Variants in WDR37 observed in about 807,000 individuals in gnomAD.
WDR37 encodes WD repeat-containing protein 37.
WDR37 carries 19 observed loss-of-function variants against 62.9 expected under a neutral mutation model. That is an observed-to-expected ratio of 0.30 (90% confidence interval 0.21 to 0.44). The LOEUF (loss-of-function observed/expected upper bound fraction) is 0.44. Ranked by LOEUF, WDR37 falls within the 20% of genes least tolerant of loss-of-function variation. WDR37 has a pLI of 1.00. For synonymous variants in WDR37, 250 were observed against 260.9 expected, an observed-to-expected ratio of 0.96 and a Z score of 0.40; for missense variants, 474 against 657.6, an observed-to-expected ratio of 0.72 and a Z score of 3.05.
intron 11 of WDR37, among the ~76,000 whole-genome samples, chr10:1,109,805 T>G (rs1835153750): frequency 6.6e-6 from 1 of 152,254 alleles, no homozygotes. Flanking sequence ...GAGCTGTACT[T>G]ATGAAGAATG....
chr10:1,087,157 CT>C (rs1834228909), intron 7 of WDR37, among the ~76,000 whole-genome samples: 1 of 152,258 alleles, frequency 6.6e-6, no homozygotes, highest in Admixed American at 6.5e-5. Context: ...AGTGTCTTCT[CT>C]TTCTTGCCCT....
At chr10:1,059,150 C>T (rs182586184) in intron 1 of WDR37, among the ~76,000 whole-genome samples, 1 of 149,728 alleles carries the variant, frequency 6.7e-6, no homozygotes, top group Non-Finnish European at 1.5e-5. Flanking sequence ...CCGAGGTGGG[C>T]AGATCACCTG....
At position 1,107,924 on chromosome 10, in the gene WDR37, C is replaced by G. The variant is rs541542859; in HGVS notation, c.1103+2657C>G. 8.5e-5 allele frequency among the ~76,000 whole-genome samples: 13 copies of G among 152,332 alleles called. 2 individuals carry two copies. The South Asian group carries it at 2.7e-3, about 32-fold the overall frequency. On this transcript the variant is annotated intron_variant, in intron 11 of 13. Transcript: ENST00000263150. ...TGCTGTCTCTATTTACACATGTGTA[C>G]ACACCTGTCTGTAACAGACACGCCC...
intron 11 of WDR37, among the ~76,000 whole-genome samples, chr10:1,115,030 GTT>G (rs199799863): frequency 7.0e-6 from 1 of 142,532 alleles, no homozygotes; most frequent in Non-Finnish European, 1.5e-5. Flanking sequence ...TCCCTTTTTT[GTT>G]TTTTTTTTTT....
intron 1 of WDR37, among the ~76,000 whole-genome samples, chr10:1,058,492 G>A (rs1045798682): frequency 2.0e-5 from 3 of 152,094 alleles, no homozygotes; most frequent in African/African-American, 7.2e-5. Flanking sequence ...TATTTATCCT[G>A]TCTTATTCTT....
intron 7 of WDR37, among the ~76,000 whole-genome samples, chr10:1,092,980 TGAGGCTGGCA>T: frequency 6.6e-6 from 1 of 151,538 alleles, no homozygotes; most frequent in Non-Finnish European, 1.5e-5. Context: ...ATTCATTCTC[TGAGGCTGGCA>T]GAGGTTATAC....
intron 11 of WDR37, among the ~76,000 whole-genome samples, chr10:1,122,352 T>A (rs937435840): frequency 2.6e-5 from 4 of 152,312 alleles, no homozygotes; most frequent in Non-Finnish European, 5.9e-5. Context: ...TTTGAGCCCC[T>A]GTACAGAGTG....
At position 1,121,627 on chromosome 10, in the gene WDR37, C is replaced by G. The variant is rs1268652118; in HGVS notation, c.1104-2591C>G. Reference sequence around the variant, plus strand: ...GCCGTGGTTTCCAGTTGGGCAGTTTCCCCCCAGGAGACAGTGTTTGTTGTC... The same window carrying G: ...GCCGTGGTTTCCAGTTGGGCAGTTTGCCCCCAGGAGACAGTGTTTGTTGTC... On this transcript the variant is annotated intron_variant, in intron 11 of 13. Transcript: ENST00000263150. This position sits in a 1 kb window ranked among gnomAD's most constrained non-coding sequence, Gnocchi z 4.5. Among the ~76,000 whole-genome samples, 1 of 152,150 alleles carries G rather than the reference C, an allele frequency of 6.6e-6. No homozygotes were observed.
At chr10:1,058,256 C>G (rs1227609666) in intron 1 of WDR37, among the ~76,000 whole-genome samples, 3 of 152,212 alleles carry the variant, frequency 2.0e-5, no homozygotes, top group Non-Finnish European at 2.9e-5. Context: ...ACTCCCTGTC[C>G]TCTAACATGG....
At chr10:1,063,700 C>T (rs139305661) in intron 1 of WDR37, among the ~76,000 whole-genome samples, 5 of 152,126 alleles carry the variant, frequency 3.3e-5, no homozygotes, top group African/African-American at 4.8e-5. Context: ...AGGCCACCCC[C>T]CTGTGGTGTG....
rs765448977 is a variant in WDR37 at position 1,084,499 on chromosome 10, G to A, written c.493G>A (p.Ala165Thr). ...GGACGGCATCTGGGATGTCAGCGTG[G>A]CCAAGACACAGCCAGTGGTGCTCGG... ...HRDGIWDVSVAKTQPVVLGTA... is the reference protein window; with the variant it reads ...HRDGIWDVSVTKTQPVVLGTA... The change falls in exon 6 of 14, where the codon GCC (alanine) becomes ACC (threonine). Residue 165 changes from alanine to threonine, a missense_variant. By Grantham distance (58) the Ala-to-Thr change is moderately conservative. Transcript: ENST00000263150. 1.2e-6 allele frequency: 2 copies of A among 1,614,054 alleles called. No individual in the cohort carries two copies. Among genetic ancestry groups the A allele is most frequent in the African/African-American group, 1.3e-5 (1 of 74,926 alleles).
At chr10:1,078,146 T>C in intron 3 of WDR37, 143 bp downstream of exon 3, 1 of 551,704 alleles carries the variant, frequency 1.8e-6, no homozygotes, top group East Asian at 3.2e-5. Flanking sequence ...TAACACAGAT[T>C]TGTCATCTTG....
At chr10:1,093,053 G>T (rs943163177) in intron 7 of WDR37, among the ~76,000 whole-genome samples, 1 of 152,028 alleles carries the variant, frequency 6.6e-6, no homozygotes, top group African/African-American at 2.4e-5. Context: ...GGGTCCTTAG[G>T]CTGGGAAGGA....
rs1833753118 is a variant in WDR37 at position 1,072,283 on chromosome 10, TAGA to T, written c.131_133del (p.Glu44del). On this transcript the variant is annotated inframe_deletion, in exon 2 of 14. Coordinates refer to ENST00000263150, the MANE Select transcript of WDR37 (RefSeq NM_014023.4). ...AGGACGGGACTGCCAAGAGACATGT[TAGA>T]AGGACAAGTAAGCTACGATTGATTA... is the stretch of plus-strand genomic sequence containing the variant. 4 of 1,613,832 alleles carry T rather than the reference TAGA, an allele frequency of 2.5e-6. No homozygotes were observed. Among genetic ancestry groups the T allele is most frequent in the Non-Finnish European group, 3.4e-6 (4 of 1,179,890 alleles).
At chr10:1,110,507 T>A (rs949118927) in intron 11 of WDR37, among the ~76,000 whole-genome samples, 1 of 151,922 alleles carries the variant, frequency 6.6e-6, no homozygotes, top group Non-Finnish European at 1.5e-5. Flanking sequence ...TGTAGAGCTG[T>A]GCATCCGCGC....
At chr10:1,060,931 T>C (rs1833352869) in intron 1 of WDR37, among the ~76,000 whole-genome samples, 1 of 152,220 alleles carries the variant, frequency 6.6e-6, no homozygotes, top group Admixed American at 6.5e-5. Flanking sequence ...GGCTGGGCCA[T>C]CTAGCCTAGG....
intron 8 of WDR37, among the ~76,000 whole-genome samples, chr10:1,094,126 C>G (rs1280816817): frequency 6.6e-6 from 1 of 152,120 alleles, no homozygotes; most frequent in East Asian, 1.9e-4. Context: ...TTTCAGTAGA[C>G]CAGAGGTCCT....
chr10:1,115,681 G>A (rs1395247897), intron 11 of WDR37, among the ~76,000 whole-genome samples: 3 of 152,160 alleles, frequency 2.0e-5, no homozygotes, highest in Non-Finnish European at 4.4e-5. Context: ...CTGGCCGCCT[G>A]GGAGGTGCGT....
At chr10:1,110,875 G>A (rs7922760) in intron 11 of WDR37, among the ~76,000 whole-genome samples, 1 of 152,162 alleles carries the variant, frequency 6.6e-6, no homozygotes, top group Admixed American at 6.5e-5. Context: ...TGGGAATGTT[G>A]GCCCAGGGCC....
Sources: gnomAD v4.1 joint callset for allele counts (sites outside exome capture counted in the v4.1 genomes callset) on GRCh38, gnomAD v4.1.1 for gene constraint, Gnocchi (gnomAD v3.1) non-coding constraint, MANE v1.5 for transcripts, NCBI Gene and HGNC (gene_info 2026-07-23, HGNC 2026-07-21) for gene names.